Variants in GSG1L observed in about 807,000 individuals in gnomAD.
The protein encoded by GSG1L is GSG1 like, also known as germ cell-specific gene 1-like protein.
A neutral mutation model predicts 42.1 loss-of-function variants in GSG1L; 24 were observed. The ratio of observed to expected loss-of-function variants is 0.57; its 90% confidence interval spans 0.41 to 0.80. The LOEUF is 0.80. Ranked by LOEUF, GSG1L falls within the 30% of genes least tolerant of loss-of-function variation. The probability of loss-of-function intolerance (pLI) is 0.00; values close to 1 mark genes in which losing one functional copy is unlikely to be tolerated. For synonymous variants in GSG1L, 215 were observed against 203.5 expected (o/e 1.06, Z -0.48); for missense variants, 445 against 472.2 (o/e 0.94, Z 0.53).
Position 27,989,648 on chromosome 16 carries a change from G to A in GSG1L, c.350-26445C>T, listed in dbSNP as rs372139955. The stretch of plus-strand genomic sequence containing the variant: ...CCAGCTACTTGGGAGGCTGAGGCAC[G>A]AGAATCACTTGAACCCAGGATGCAG... On this transcript the variant is annotated intron_variant, in intron 1 of 6. Transcript: ENST00000447459. Among the ~76,000 whole-genome samples, 12 of 151,746 alleles carry A rather than the reference G, an allele frequency of 7.9e-5. No individual in the cohort carries two copies. The South Asian group carries it at 1.7e-3, about 21-fold the overall frequency.
At chr16:27,823,846 C>G (rs1005258579) in intron 5 of GSG1L, 2 of 702,920 alleles carry the variant, frequency 2.8e-6, no homozygotes, top group Non-Finnish European at 5.2e-6. Context: ...GCTTAAATCC[C>G]AGCTCTGGCA....
At chr16:27,815,149 T>A (rs2083080743) in intron 5 of GSG1L, among the ~76,000 whole-genome samples, 1 of 152,116 alleles carries the variant, frequency 6.6e-6, no homozygotes, top group African/African-American at 2.4e-5. Flanking sequence ...ACTGATATGG[T>A]TTGGATATTT....
At chr16:27,922,781 C>G (rs936651887) in intron 2 of GSG1L, among the ~76,000 whole-genome samples, 4 of 152,174 alleles carry the variant, frequency 2.6e-5, no homozygotes, top group Non-Finnish European at 5.9e-5. Context: ...AACTCCACAC[C>G]TGCTCTAACA....
chr16:27,843,137 G>A (rs1233570160), intron 4 of GSG1L, among the ~76,000 whole-genome samples: 2 of 152,220 alleles, frequency 1.3e-5, no homozygotes, highest in African/African-American at 4.8e-5. Flanking sequence ...CAGTTAATAT[G>A]TGTTAAATGA....
chr16:27,841,420 G>A (rs1289563157), intron 4 of GSG1L, among the ~76,000 whole-genome samples: 2 of 152,198 alleles, frequency 1.3e-5, no homozygotes, highest in Non-Finnish European at 1.5e-5. Flanking sequence ...AACCGGCTTT[G>A]AGCGCCTCAA....
chr16:27,869,759 GTC>G (rs1185418957), intron 3 of GSG1L, among the ~76,000 whole-genome samples: 2 of 61,058 alleles, frequency 3.3e-5, no homozygotes, highest in East Asian at 6.5e-4. Context: ...CTCCTTCTCT[GTC>G]TCTGTCTCCC....
intron 5 of GSG1L, among the ~76,000 whole-genome samples, chr16:27,820,255 C>A (rs887803564): frequency 6.6e-6 from 1 of 152,148 alleles, no homozygotes. Flanking sequence ...TGGGGGCCCT[C>A]GGCCACGTGG....
intron 1 of GSG1L, among the ~76,000 whole-genome samples, chr16:28,031,033 G>C (rs534281247): frequency 1.8e-4 from 27 of 148,030 alleles, no homozygotes; most frequent in African/African-American, 6.7e-4. Context: ...TGGATGGGAT[G>C]GTATGGGATG....
intron 1 of GSG1L, among the ~76,000 whole-genome samples, chr16:27,992,101 T>C (rs1029958085): frequency 6.6e-6 from 1 of 152,186 alleles, no homozygotes; most frequent in Non-Finnish European, 1.5e-5. Context: ...TAGATGACCC[T>C]CGTCAAGATG....
Position 27,788,576 on chromosome 16 carries a change from C to G in GSG1L, c.*2794G>C, listed in dbSNP as rs1320503214. 1 of 152,206 alleles carries G rather than the reference C, an allele frequency of 6.6e-6. No individual in the cohort carries two copies. Among genetic ancestry groups the G allele is most frequent in the Non-Finnish European group, 1.5e-5 (1 of 68,050 alleles). The allele number at this position is 152,206 out of a possible 1,614,324, so 9.4% of individuals were successfully genotyped here. On this transcript the variant is annotated 3_prime_UTR_variant, in exon 7 of 7. Coordinates refer to ENST00000447459, the MANE Select transcript of GSG1L (RefSeq NM_001109763.2). ...GCCATTGGGACTATTTTAAAGTCCT[C>G]TAATGTACTTTCTTTCCCTGCTATA...
intron 3 of GSG1L, among the ~76,000 whole-genome samples, chr16:27,870,618 G>A (rs986299685): frequency 1.3e-5 from 2 of 151,504 alleles, no homozygotes; most frequent in Non-Finnish European, 2.9e-5. Context: ...AGACTGAGAT[G>A]TGATGATGGA....
At chr16:28,028,288 G>A (rs1356079610) in intron 1 of GSG1L, among the ~76,000 whole-genome samples, 1 of 152,196 alleles carries the variant, frequency 6.6e-6, no homozygotes. Flanking sequence ...TGCCAGGCAG[G>A]TAGAAAATAA....
Position 27,973,422 on chromosome 16 carries a change from C to A in GSG1L, c.350-10219G>T, listed in dbSNP as rs184928281. Reference sequence around the variant, plus strand: ...TTTTGACACTGCACTCCAGCCTGGGCAATAAAGACCCCATCACAAAAAAAA... The same window carrying A: ...TTTTGACACTGCACTCCAGCCTGGGAAATAAAGACCCCATCACAAAAAAAA... On this transcript the variant is annotated intron_variant, in intron 1 of 6. Coordinates refer to ENST00000447459, the MANE Select transcript of GSG1L (RefSeq NM_001109763.2). 7.9e-3 allele frequency among the ~76,000 whole-genome samples: 483 copies of A among 61,254 alleles called. 3 individuals are homozygous for A. Among genetic ancestry groups the A allele is most frequent in the South Asian group, 0.015 (24 of 1,608 alleles). 40.2% of individuals were successfully genotyped at this position (61,254 alleles called of 152,430 possible).
intron 3 of GSG1L, among the ~76,000 whole-genome samples, chr16:27,852,096 GATTT>G (rs2083521701): frequency 6.6e-6 from 1 of 152,230 alleles, no homozygotes; most frequent in Non-Finnish European, 1.5e-5. Context: ...CTGATTAATT[GATTT>G]ATAATAGAGT....
intron 2 of GSG1L, among the ~76,000 whole-genome samples, chr16:27,960,471 C>G (rs187003478): frequency 1.3e-5 from 2 of 152,248 alleles, no homozygotes; most frequent in Admixed American, 6.5e-5. Flanking sequence ...GAGGGATGTC[C>G]CAGAGGGAGC....
intron 2 of GSG1L, among the ~76,000 whole-genome samples, chr16:27,897,452 T>C (rs1596595598): frequency 6.6e-6 from 1 of 152,110 alleles, no homozygotes; most frequent in African/African-American, 2.4e-5. Context: ...GCACGTTCTA[T>C]TGTGTCTGGG....
intron 1 of GSG1L, among the ~76,000 whole-genome samples, chr16:28,001,672 C>T (rs1374068447): frequency 6.6e-6 from 1 of 152,204 alleles, no homozygotes; most frequent in Non-Finnish European, 1.5e-5. Context: ...TAGTCCCTTA[C>T]TGAAGGGCTG....
intron 3 of GSG1L, among the ~76,000 whole-genome samples, chr16:27,849,141 T>C (rs2083476641): frequency 7.2e-6 from 1 of 138,264 alleles, no homozygotes; most frequent in East Asian, 2.1e-4. Flanking sequence ...GAAGCTGCAG[T>C]GAGGCAAGAT....
At chr16:27,912,913 G>A (rs79722513) in intron 2 of GSG1L, among the ~76,000 whole-genome samples, 2,240 of 152,262 alleles carry the variant, frequency 0.015, 38 homozygotes, top group Middle Eastern at 0.034. Context: ...ATGCTTGCTA[G>A]GAAGCTGTGA....
Sources: allele counts gnomAD v4.1 joint callset (sites outside exome capture counted in the v4.1 genomes callset), GRCh38; gene constraint gnomAD v4.1.1; transcripts MANE v1.5; gene names NCBI Gene and HGNC (gene_info 2026-07-23, HGNC 2026-07-21).